Variants in IL4R observed in about 807,000 individuals in gnomAD.
The protein encoded by IL4R is interleukin 4 receptor.
In IL4R, 17 loss-of-function variants were observed where a neutral mutation model predicts 41.5. The ratio of observed to expected loss-of-function variants is 0.41; its 90% CI spans 0.28 to 0.61. The LOEUF (loss-of-function observed/expected upper bound fraction) is 0.61, where lower values mean the gene tolerates loss of function less well. Ranked by LOEUF, IL4R falls within the 20% of genes least tolerant of loss-of-function variation. IL4R has a pLI of 0.31. For synonymous variants in IL4R, 402 were observed against 422.9 expected, an observed-to-expected ratio of 0.95 and a Z score of 0.61; for missense variants, 974 against 1,043.1, an observed-to-expected ratio of 0.93 and a Z score of 0.91.
rs550598322 is a variant in IL4R at position 27,333,752 on chromosome 16, G to A, written c.-19+3554G>A. 3.9e-5 allele frequency among the ~76,000 whole-genome samples: 6 copies of A among 152,220 alleles called. No individual in the cohort carries two copies. The East Asian group carries it at 1.2e-3, about 29-fold the overall frequency. The stretch of plus-strand genomic sequence containing the variant: ...AGACCTGAGAGTGATTGCTCCATCT[G>A]TGGTGGCATATGGGCTGAAACTGCC... On this transcript the variant is annotated intron_variant, in intron 2 of 10. Transcript: ENST00000395762.
At chr16:27,321,132 T>C (rs1297061640) in intron 1 of IL4R, among the ~76,000 whole-genome samples, 1 of 152,016 alleles carries the variant, frequency 6.6e-6, no homozygotes, top group African/African-American at 2.4e-5. Flanking sequence ...TTATTAGCAA[T>C]GGGGTTTCAC....
chr16:27,332,917 T>G (rs1421977299), intron 2 of IL4R, among the ~76,000 whole-genome samples: 1 of 152,110 alleles, frequency 6.6e-6, no homozygotes, highest in Non-Finnish European at 1.5e-5. Flanking sequence ...GATTTCTTCT[T>G]TGATCCATAT....
chr16:27,356,309 T>C (rs2086078478), intron 8 of IL4R, among the ~76,000 whole-genome samples: 1 of 152,054 alleles, frequency 6.6e-6, no homozygotes, highest in South Asian at 2.1e-4. Flanking sequence ...GTCAGGCTGG[T>C]CTCGAACTCC....
At chr16:27,318,732 G>A (rs2084720712) in intron 1 of IL4R, 1 of 152,296 alleles carries the variant, frequency 6.6e-6, no homozygotes, top group South Asian at 2.1e-4. Context: ...GGCCGAGGAT[G>A]GTGCCCAGCT....
In IL4R at chr16:27,362,360, T is replaced by C. The variant is rs139699100; in HGVS notation, c.1008T>C (p.Ser336=). The change falls in exon 11 of 11, where the codon TCT becomes TCC. Residue 336 remains serine (S), a synonymous_variant. Transcript: ENST00000395762. ...CCAAAGAGATGCCTTTCCAGGGCTC[T>C]GGAAAATCAGCATGGTGCCCAGTGG... ...KAAKEMPFQG[S]GKSAWCPVEI... is the part of the protein sequence containing the mutation. 5.5e-5 allele frequency: 88 copies of C among 1,614,200 alleles called. 1 individual carries two copies. The highest frequency in any genetic ancestry group is 4.2e-4 in the Admixed American group (25 of 60,020).
In IL4R at chr16:27,363,906, A is replaced by T; in HGVS notation, c.*76A>T. 6.7e-7 allele frequency: 1 copy of T among 1,481,792 alleles called. No individual in the cohort carries two copies. Among genetic ancestry groups the T allele is most frequent in the Non-Finnish European group, 9.0e-7 (1 of 1,109,028 alleles). 91.8% of individuals were successfully genotyped at this position (1,481,792 alleles called of 1,614,324 possible). On this transcript the variant is annotated 3_prime_UTR_variant, in exon 11 of 11. Coordinates refer to ENST00000395762, the MANE Select transcript of IL4R (RefSeq NM_000418.4). ...ATGCCTGGGAAATGCCACCTCCTGG[A>T]AGGCAGCCAGGCTGGCAGATTTCCA...
chr16:27,357,986 C>T (rs528046784), intron 8 of IL4R, among the ~76,000 whole-genome samples: 11 of 152,020 alleles, frequency 7.2e-5, no homozygotes, highest in East Asian at 5.8e-4. Context: ...CTCCGCCTTC[C>T]GGGTTCAAGC....
At chr16:27,316,768 C>T (rs939743626) in intron 1 of IL4R, among the ~76,000 whole-genome samples, 3 of 152,200 alleles carry the variant, frequency 2.0e-5, no homozygotes, top group African/African-American at 7.2e-5. Flanking sequence ...TAACTGACTT[C>T]CCAGAGCCTC....
At chr16:27,341,680 A>G (rs537285890) in intron 3 of IL4R, among the ~76,000 whole-genome samples, 2 of 152,272 alleles carry the variant, frequency 1.3e-5, no homozygotes, top group African/African-American at 4.8e-5. Flanking sequence ...AGACTGTGGT[A>G]TCAGCCTCCT....
chr16:27,340,967 C>A, intron 3 of IL4R: 1 of 446,236 alleles, frequency 2.2e-6, no homozygotes, highest in South Asian at 1.9e-5. Context: ...GAGTGAGCAG[C>A]AGGAGGGAGC....
At chr16:27,326,778 T>C (rs995856020) in intron 1 of IL4R, among the ~76,000 whole-genome samples, 2 of 152,128 alleles carry the variant, frequency 1.3e-5, no homozygotes, top group African/African-American at 4.8e-5. Flanking sequence ...GGCCGATTTG[T>C]GTTCCTGGTG....
intron 3 of IL4R, 134 bp from the exon 4 acceptor site, chr16:27,341,987 C>T: frequency 1.1e-6 from 1 of 935,926 alleles, no homozygotes; most frequent in Non-Finnish European, 1.6e-6. Flanking sequence ...GTCCTGGCCC[C>T]AGCTCTGTGG....
intron 4 of IL4R, among the ~76,000 whole-genome samples, chr16:27,342,657 T>TA (rs1169732131): frequency 6.6e-6 from 1 of 152,164 alleles, no homozygotes; most frequent in Non-Finnish European, 1.5e-5. Flanking sequence ...TTAAAACAAT[T>TA]AAAAATTTTT....
At chr16:27,360,881 C>G (rs954481412) in intron 10 of IL4R, 66 bp downstream of exon 10, 3 of 1,613,220 alleles carry the variant, frequency 1.9e-6, no homozygotes, top group Non-Finnish European at 2.5e-6. Context: ...GAGAGGCAAG[C>G]CCCTAGCTCC....
At chr16:27,324,610 A>G (rs767026199) in intron 1 of IL4R, among the ~76,000 whole-genome samples, 120 of 152,306 alleles carry the variant, frequency 7.9e-4, no homozygotes, top group Middle Eastern at 3.4e-3. Flanking sequence ...AAATAAAGCA[A>G]GATAACAGGT....
At chr16:27,323,821 AT>A (rs1021797152) in intron 1 of IL4R, among the ~76,000 whole-genome samples, 36 of 151,090 alleles carry the variant, frequency 2.4e-4, no homozygotes, top group African/African-American at 3.9e-4. Context: ...ATGCCTGGCA[AT>A]TTTTTTTTGT....
intron 1 of IL4R, among the ~76,000 whole-genome samples, chr16:27,321,726 G>A (rs2084817404): frequency 1.3e-5 from 2 of 152,128 alleles, no homozygotes; most frequent in South Asian, 4.1e-4. Flanking sequence ...TTTTCTTTGA[G>A]TACTGCTTTG....
At chr16:27,358,191 G>C (rs946740157) in intron 8 of IL4R, among the ~76,000 whole-genome samples, 3 of 152,236 alleles carry the variant, frequency 2.0e-5, no homozygotes, top group Admixed American at 1.3e-4. Context: ...ACCATGCCTG[G>C]CCTCATATAA....
In IL4R at chr16:27,363,943, G is replaced by A; in HGVS notation, c.*113G>A. The A allele has an allele frequency of 7.8e-7, 1 of 1,284,886 alleles. No individual in the cohort carries two copies. The highest frequency in any genetic ancestry group is 1.4e-5 in the South Asian group (1 of 70,946). 79.6% of individuals were successfully genotyped at this position (1,284,886 alleles called of 1,614,324 possible). A position where few individuals can be genotyped will look rare whatever the true frequency, so the allele number is the denominator to read the frequency against. On this transcript the variant is annotated 3_prime_UTR_variant, in exon 11 of 11. Transcript: ENST00000395762. ...CTGGCAGATTTCCAAAAGACTTGAA[G>A]AACCATGGTATGAAGGTGATTGGCC... is the stretch of plus-strand genomic sequence containing the variant.
Sources: gnomAD v4.1 joint callset for allele counts (sites outside exome capture counted in the v4.1 genomes callset) on GRCh38, gnomAD v4.1.1 for gene constraint, MANE v1.5 for transcripts, NCBI Gene and HGNC (gene_info 2026-07-23, HGNC 2026-07-21) for gene names.